Variants in CDIN1 observed in about 807,000 individuals in gnomAD.
CDIN1 encodes the protein CDAN1 interacting nuclease 1, also known as CDAN1-interacting nuclease 1.
Under a neutral mutation model 45.3 loss-of-function variants are expected in CDIN1, and 33 were observed. The observed-to-expected ratio is 0.73, with a 90% CI of 0.55 to 0.97. The LOEUF (loss-of-function observed/expected upper bound fraction) is 0.97. CDIN1 is among the 50% of genes least tolerant of loss of function. The pLI is 0.00. For synonymous variants in CDIN1, 118 were observed against 124.4 expected, an observed-to-expected ratio of 0.95 and a Z score of 0.34; for missense variants, 303 against 339.4, an observed-to-expected ratio of 0.89 and a Z score of 0.84.
chr15:36,639,170 G>A (rs1019774121), intron 1 of CDIN1, among the ~76,000 whole-genome samples: 1 of 152,120 alleles, frequency 6.6e-6, no homozygotes, highest in African/African-American at 2.4e-5. Flanking sequence ...GCCTGGGGCA[G>A]TAACCACTTT....
At chr15:36,653,832 A>C (rs916334308) in intron 3 of CDIN1, among the ~76,000 whole-genome samples, 1 of 152,204 alleles carries the variant, frequency 6.6e-6, no homozygotes, top group African/African-American at 2.4e-5. Context: ...TTCACTTTAT[A>C]TGGTAGGAGG....
Position 36,579,830 on chromosome 15 carries a change from G to T in CDIN1, c.-31G>T, listed in dbSNP as rs1433929875. 1 of 1,583,136 alleles carries T rather than the reference G, an allele frequency of 6.3e-7. No individual in the cohort carries two copies. Among genetic ancestry groups the T allele is most frequent in the Admixed American group, 1.8e-5 (1 of 55,916 alleles). On this transcript the variant is annotated 5_prime_UTR_variant, in exon 1 of 11. Coordinates refer to ENST00000566621, the MANE Select transcript of CDIN1 (RefSeq NM_001321759.2). ...TTGAGCCCCAGGGTGTTTTTTCCTT[G>T]TTCCCGCCACCTCCTGGTCCCTGGC...
chr15:36,641,538 C>T (rs538696671), intron 1 of CDIN1: 2 of 152,254 alleles, frequency 1.3e-5, no homozygotes, highest in South Asian at 4.1e-4. Flanking sequence ...ACAAGCAAAA[C>T]CGTTTTGATG....
chr15:36,581,102 G>C (rs1200998925), intron 1 of CDIN1, among the ~76,000 whole-genome samples: 1 of 152,150 alleles, frequency 6.6e-6, no homozygotes, highest in Non-Finnish European at 1.5e-5. Context: ...TATTTTATCA[G>C]ACTTGCTAAG....
At chr15:36,752,995 G>C (rs765165073) in intron 10 of CDIN1, among the ~76,000 whole-genome samples, 46 of 152,312 alleles carry the variant, frequency 3.0e-4, no homozygotes, top group Non-Finnish European at 4.7e-4. Context: ...TTTTGGAAGA[G>C]AGACGTATGA....
chr15:36,796,544 C>T (rs549051902), intron 10 of CDIN1, among the ~76,000 whole-genome samples: 10 of 152,306 alleles, frequency 6.6e-5, no homozygotes, highest in African/African-American at 9.6e-5. Context: ...CAACCAGAAT[C>T]GAGTGCAGGA....
At chr15:36,796,686 C>G (rs1038658543) in intron 10 of CDIN1, among the ~76,000 whole-genome samples, 1 of 152,218 alleles carries the variant, frequency 6.6e-6, no homozygotes, top group Non-Finnish European at 1.5e-5. Flanking sequence ...AGATGTTGCC[C>G]TGTCGGGAAC....
At chr15:36,733,468 T>C (rs1390038923) in intron 10 of CDIN1, among the ~76,000 whole-genome samples, 2 of 152,154 alleles carry the variant, frequency 1.3e-5, no homozygotes, top group Admixed American at 6.6e-5. Context: ...TATCATTTAC[T>C]CAACTTATAT....
chr15:36,591,095 T>C (rs997340256), intron 1 of CDIN1, among the ~76,000 whole-genome samples: 2 of 152,224 alleles, frequency 1.3e-5, no homozygotes, highest in African/African-American at 4.8e-5. Flanking sequence ...GCACACCTTA[T>C]CTTCCTGTGA....
intron 1 of CDIN1, among the ~76,000 whole-genome samples, chr15:36,633,753 C>CTT (rs111912823): frequency 1.4e-5 from 2 of 142,948 alleles, no homozygotes; most frequent in Non-Finnish European, 1.5e-5. Context: ...ACCCATGATA[C>CTT]TTTTTTTTTT....
intron 10 of CDIN1, among the ~76,000 whole-genome samples, chr15:36,712,412 C>G (rs2043088378): frequency 6.6e-6 from 1 of 151,644 alleles, no homozygotes; most frequent in South Asian, 2.1e-4. Context: ...ATTACAGGTG[C>G]CTCACACCAC....
At chr15:36,690,205 C>T (rs931278651) in intron 5 of CDIN1, among the ~76,000 whole-genome samples, 2 of 152,058 alleles carry the variant, frequency 1.3e-5, no homozygotes, top group Non-Finnish European at 2.9e-5. Context: ...TTTGCAGACC[C>T]AATACTATTT....
chr15:36,604,174 TAC>T (rs922748263), intron 1 of CDIN1, among the ~76,000 whole-genome samples: 1 of 152,086 alleles, frequency 6.6e-6, no homozygotes, highest in African/African-American at 2.4e-5. Flanking sequence ...AGAGGGGAGT[TAC>T]ACACCACTAT....
chr15:36,715,946 C>G (rs774496758), intron 10 of CDIN1, among the ~76,000 whole-genome samples: 3 of 152,110 alleles, frequency 2.0e-5, no homozygotes, highest in Non-Finnish European at 4.4e-5. Flanking sequence ...CAAGACTTTT[C>G]TAAGTGAGGA....
At chr15:36,696,946 TAAAA>T (rs1163749494) in intron 7 of CDIN1, among the ~76,000 whole-genome samples, 4 of 92,252 alleles carry the variant, frequency 4.3e-5, no homozygotes, top group South Asian at 3.9e-4. Context: ...ATTCCATTTC[TAAAA>T]AAAAAAAAAA....
At chr15:36,643,663 G>A (rs1403469662) in intron 1 of CDIN1, among the ~76,000 whole-genome samples, 1 of 152,182 alleles carries the variant, frequency 6.6e-6, no homozygotes, top group African/African-American at 2.4e-5. Context: ...GACATTGTGT[G>A]TTGTCTTAGA....
At chr15:36,777,823 C>A (rs1161220354) in intron 10 of CDIN1, among the ~76,000 whole-genome samples, 1 of 152,184 alleles carries the variant, frequency 6.6e-6, no homozygotes, top group East Asian at 1.9e-4. Flanking sequence ...GTTGCACAGG[C>A]TGGTCTCGAA....
intron 1 of CDIN1, among the ~76,000 whole-genome samples, chr15:36,586,449 C>T (rs184256145): frequency 9.9e-5 from 15 of 152,262 alleles, no homozygotes; most frequent in Non-Finnish European, 1.5e-4. Flanking sequence ...TTATGTGAAA[C>T]GAACTACCCT....
intron 1 of CDIN1, among the ~76,000 whole-genome samples, chr15:36,605,842 G>A (rs1380672329): frequency 1.3e-5 from 2 of 152,164 alleles, no homozygotes; most frequent in Non-Finnish European, 2.9e-5. Flanking sequence ...ATACCCACAA[G>A]GAGTTGTGAA....
Sources: allele counts gnomAD v4.1 joint callset (sites outside exome capture counted in the v4.1 genomes callset), GRCh38; gene constraint gnomAD v4.1.1; transcripts MANE v1.5; gene names NCBI Gene and HGNC (gene_info 2026-07-23, HGNC 2026-07-21).